The following CD96 variants were observed in gnomAD, a reference collection of about 807,000 sequenced individuals.
CD96 encodes the protein T-cell surface protein tactile.
In CD96, 70 loss-of-function variants were observed where a neutral mutation model predicts 71.3. The observed-to-expected ratio is 0.98, with a 90% CI of 0.81 to 1.20. CD96 has a LOEUF of 1.20. Among genes scored for constraint, CD96 ranks in the 50% most tolerant of loss-of-function variants. CD96 has a pLI of 0.00. For missense variants in CD96, 742 were observed against 677.5 expected (o/e 1.10, Z -1.06); for synonymous variants, 248 against 233.0 (o/e 1.06, Z -0.59).
At chr3:111,643,588 C>G (rs773620796) in intron 12 of CD96, among the ~76,000 whole-genome samples, 1 of 152,066 alleles carries the variant, frequency 6.6e-6, no homozygotes, top group Non-Finnish European at 1.5e-5. Context: ...CCTAAGGACT[C>G]CTCTAGAAAG....
intron 2 of CD96, among the ~76,000 whole-genome samples, chr3:111,546,340 C>T (rs1023501996): frequency 2.0e-5 from 3 of 152,152 alleles, no homozygotes; most frequent in East Asian, 1.9e-4. Flanking sequence ...TCTGGGTATA[C>T]AATATTTAGT....
intron 10 of CD96, chr3:111,633,920 G>A (rs1939198207): frequency 6.6e-6 from 1 of 152,584 alleles, no homozygotes; most frequent in Non-Finnish European, 1.5e-5. Context: ...ATGCCTTAAG[G>A]AGTATTGAAT....
At chr3:111,631,471 G>A (rs554793007) in intron 10 of CD96, among the ~76,000 whole-genome samples, 2 of 152,106 alleles carry the variant, frequency 1.3e-5, no homozygotes, top group Non-Finnish European at 1.5e-5. Context: ...AGAACTACAA[G>A]CCACTGCTCA....
At chr3:111,656,941 C>A (rs997779334), downstream of CD96, among the ~76,000 whole-genome samples, 1 of 151,364 alleles carries the variant, frequency 6.6e-6, no homozygotes, top group Admixed American at 6.6e-5. Flanking sequence ...ATATACCTTT[C>A]TGTATAATTT....
chr3:111,598,957 T>C (rs901955414), intron 6 of CD96, among the ~76,000 whole-genome samples: 1 of 151,470 alleles, frequency 6.6e-6, no homozygotes, highest in Non-Finnish European at 1.5e-5. Context: ...TTCTGAATTA[T>C]TTTTATTTTA....
At chr3:111,547,730 G>A (rs766752924) in intron 2 of CD96, among the ~76,000 whole-genome samples, 10 of 152,092 alleles carry the variant, frequency 6.6e-5, no homozygotes, top group Non-Finnish European at 1.2e-4. Context: ...GAAAATTTCC[G>A]GTCTTCTGAA....
intron 5 of CD96, among the ~76,000 whole-genome samples, chr3:111,586,869 A>T (rs865986472): frequency 7.2e-5 from 11 of 152,100 alleles, no homozygotes; most frequent in African/African-American, 2.7e-4. Flanking sequence ...GACCTCTCCC[A>T]AATCTCATGT....
intron 3 of CD96, chr3:111,570,990 G>A (rs1935954114): frequency 2.7e-6 from 4 of 1,488,152 alleles, no homozygotes; most frequent in Non-Finnish European, 3.8e-6. Flanking sequence ...AAGCTGGGAG[G>A]GCATCTCCTG....
intron 3 of CD96, among the ~76,000 whole-genome samples, chr3:111,576,080 G>A (rs1345426021): frequency 6.6e-6 from 1 of 152,136 alleles, no homozygotes; most frequent in Admixed American, 6.5e-5. Flanking sequence ...TCTATTAAGT[G>A]TCAGGACTAG....
intron 4 of CD96, among the ~76,000 whole-genome samples, chr3:111,581,042 T>C (rs1936440489): frequency 6.6e-6 from 1 of 152,246 alleles, no homozygotes; most frequent in African/African-American, 2.4e-5. Flanking sequence ...ATCTCTTTGC[T>C]GCATTAAAAC....
At chr3:111,652,737 G>C (rs1940135107), downstream of CD96, among the ~76,000 whole-genome samples, 1 of 152,130 alleles carries the variant, frequency 6.6e-6, no homozygotes, top group Non-Finnish European at 1.5e-5. Flanking sequence ...CTGCAAATTA[G>C]AGGGGCTCCA....
At chr3:111,570,932 A>G in intron 3 of CD96, 1 of 1,572,326 alleles carries the variant, frequency 6.4e-7, no homozygotes, top group Non-Finnish European at 8.8e-7. Flanking sequence ...CGCCAGCGTC[A>G]AAGTAGGGGG....
chr3:111,661,006 A>G (rs1417489820), intron 14 of CD96, among the ~76,000 whole-genome samples: 1 of 152,224 alleles, frequency 6.6e-6, no homozygotes, highest in Non-Finnish European at 1.5e-5. Flanking sequence ...TGGGTAATTT[A>G]TGGAGAAAAG....
chr3:111,602,930 A>T (rs568201458), intron 7 of CD96, among the ~76,000 whole-genome samples: 1 of 152,250 alleles, frequency 6.6e-6, no homozygotes, highest in South Asian at 2.1e-4. Flanking sequence ...AAAGGGTATT[A>T]ATGTTGGAGA....
At chr3:111,636,196 T>C (rs1476626855) in intron 10 of CD96, among the ~76,000 whole-genome samples, 3 of 152,234 alleles carry the variant, frequency 2.0e-5, no homozygotes, top group Non-Finnish European at 2.9e-5. Flanking sequence ...CAAATTGTCC[T>C]GTAATCAAGC....
chr3:111,626,021 C>T (rs146310732), intron 10 of CD96, among the ~76,000 whole-genome samples: 52 of 152,184 alleles, frequency 3.4e-4, no homozygotes, highest in African/African-American at 1.2e-3. Context: ...TGCTCAATCT[C>T]GGCCGGGTGC....
chr3:111,591,620 T>A (rs1328376917), intron 5 of CD96, among the ~76,000 whole-genome samples: 2 of 152,094 alleles, frequency 1.3e-5, no homozygotes, highest in Non-Finnish European at 2.9e-5. Context: ...TTTTGCAACA[T>A]AATAAGGTTC....
chr3:111,623,723 T>C (rs775203581), intron 8 of CD96, 31 bp from the exon 9 acceptor site: 1 of 1,381,946 alleles, frequency 7.2e-7, no homozygotes, highest in South Asian at 1.2e-5. Flanking sequence ...TAAATACATA[T>C]AATAATTTGG....
chr3:111,617,116 A>C (rs1938280676), intron 8 of CD96, among the ~76,000 whole-genome samples: 1 of 152,178 alleles, frequency 6.6e-6, no homozygotes, highest in South Asian at 2.1e-4. Flanking sequence ...CAAGGAGCAC[A>C]GGAAGGAGGC....
Sources: allele counts gnomAD v4.1 joint callset (sites outside exome capture counted in the v4.1 genomes callset), GRCh38; gene constraint gnomAD v4.1.1; transcripts MANE v1.5; gene names NCBI Gene and HGNC (gene_info 2026-07-23, HGNC 2026-07-21).